Variants in MYL4 observed in about 807,000 individuals in gnomAD.
MYL4 encodes atrial myosin light chain 1.
MYL4 carries 16 observed loss-of-function variants against 21.6 expected under a neutral mutation model. That is an observed-to-expected ratio of 0.74 (90% CI 0.50 to 1.12). The LOEUF is 1.12. Ranked by LOEUF, MYL4 falls within the 50% of genes most tolerant of loss-of-function variation. The pLI, the probability that MYL4 is intolerant of heterozygous loss-of-function variation, is 0.00. For missense variants in MYL4, 249 were observed against 252.9 expected, an observed-to-expected ratio of 0.98 and a Z score of 0.11; for synonymous variants, 82 against 95.7, an observed-to-expected ratio of 0.86 and a Z score of 0.83.
chr17:47,200,338 T>C (rs893646571), upstream of MYL4: 2 of 152,144 alleles, frequency 1.3e-5, no homozygotes, highest in African/African-American at 4.8e-5. Context: ...ATACCCATGC[T>C]GTGGGTTCCA....
In MYL4 at chr17:47,209,481, C is replaced by T. The variant is rs1431986450; in HGVS notation, c.59C>T (p.Ala20Val). The T allele has an allele frequency of 1.2e-6, 2 of 1,614,116 alleles. No homozygotes were observed. Among genetic ancestry groups the T allele is most frequent in the African/African-American group, 2.7e-5 (2 of 74,932 alleles). ...KEAAKPAPAP[A>V]PAPAPAPAPA... ...GCAGCCAAGCCAGCTCCAGCTCCAGCTCCAGCCCCTGCACCAGCCCCTGCC... is the reference window on the plus strand; with the variant it reads ...GCAGCCAAGCCAGCTCCAGCTCCAGTTCCAGCCCCTGCACCAGCCCCTGCC... Residue 20 changes from alanine to valine, a missense_variant, in exon 1 of 7, where the codon GCT becomes GTT. Physicochemically the swap from Ala to Val is moderately conservative, Grantham distance 64. Transcript: ENST00000393450.
chr17:47,223,179 C>A, intron 6 of MYL4, 122 bp downstream of exon 6: 1 of 1,012,704 alleles, frequency 9.9e-7, no homozygotes, highest in South Asian at 1.5e-5. Context: ...CTCTTGGGAT[C>A]AGGAAGTGAG....
At position 47,209,357 on chromosome 17, in the gene MYL4, C is replaced by A; in HGVS notation, c.-66C>A. ...GGCAGCCCAGGCTCCTATCTCATCT[C>A]CCAGACGCCACGTCTCTCGGTTTCT... is the stretch of plus-strand genomic sequence containing the variant. On this transcript the variant is annotated 5_prime_UTR_variant, in exon 1 of 7. Coordinates refer to ENST00000393450, the MANE Select transcript of MYL4 (RefSeq NM_002476.2). 1 of 1,609,402 alleles carries A rather than the reference C, an allele frequency of 6.2e-7. No homozygotes were observed. Among genetic ancestry groups the A allele is most frequent in the Non-Finnish European group, 8.5e-7 (1 of 1,177,008 alleles).
At chr17:47,208,752 G>T (rs993900753), upstream of MYL4, among the ~76,000 whole-genome samples, 8 of 152,142 alleles carry the variant, frequency 5.3e-5, no homozygotes, top group African/African-American at 1.9e-4. Context: ...TGTGTGTAAG[G>T]GGGTAGATCT....
chr17:47,192,107 C>A, the MYL4 span, among the ~76,000 whole-genome samples: 3 of 152,198 alleles, frequency 2.0e-5, no homozygotes, highest in Non-Finnish European at 4.4e-5. Context: ...GTAATCCCAA[C>A]ACTTTGGGAG....
intron 2 of MYL4, among the ~76,000 whole-genome samples, chr17:47,218,498 G>A (rs2064831448): frequency 6.6e-6 from 1 of 152,100 alleles, no homozygotes; most frequent in African/African-American, 2.4e-5. Flanking sequence ...AATCAATGAA[G>A]AATTGGGCCC....
At chr17:47,225,851 CCTT>C (rs1288635902), downstream of MYL4, among the ~76,000 whole-genome samples, 3 of 133,906 alleles carry the variant, frequency 2.2e-5, no homozygotes, top group Non-Finnish European at 3.2e-5. Flanking sequence ...TTCCTCCTTC[CCTT>C]CTTTTTTTTT....
intron 6 of MYL4, 153 bp from the exon 7 acceptor site, chr17:47,223,356 G>A (rs1004062581): frequency 2.4e-5 from 9 of 370,418 alleles, no homozygotes; most frequent in South Asian, 1.3e-4. Flanking sequence ...TGAGAAAGCC[G>A]ATCCCAAGTG....
At chr17:47,197,486 G>A (rs2064693758), upstream of MYL4, among the ~76,000 whole-genome samples, 1 of 152,156 alleles carries the variant, frequency 6.6e-6, no homozygotes. Flanking sequence ...GCTCCGAGAT[G>A]TGCTAAATGG....
upstream of MYL4, chr17:47,209,274 C>T: frequency 1.0e-6 from 1 of 973,462 alleles, no homozygotes; most frequent in Non-Finnish European, 1.6e-6. Context: ...GCAGCAGTTG[C>T]TCTTGCTTTC....
chr17:47,207,213 T>C (rs553126399), upstream of MYL4, among the ~76,000 whole-genome samples: 8 of 152,150 alleles, frequency 5.3e-5, no homozygotes, highest in South Asian at 2.1e-4. Flanking sequence ...CTGGCCCTTT[T>C]TCCTGCCCGT....
intron 1 of MYL4, among the ~76,000 whole-genome samples, chr17:47,203,963 C>T (rs575814457): frequency 1.3e-5 from 2 of 152,250 alleles, no homozygotes; most frequent in Non-Finnish European, 2.9e-5. Context: ...GCCACCGTGT[C>T]TGTGGCCAAA....
upstream of MYL4, among the ~76,000 whole-genome samples, chr17:47,207,359 T>C (rs1202764388): frequency 6.6e-6 from 1 of 152,192 alleles, no homozygotes; most frequent in African/African-American, 2.4e-5. Flanking sequence ...TATAAGTAGC[T>C]GAATGTCTTG....
At chr17:47,196,220 A>G (rs989015715), upstream of MYL4, among the ~76,000 whole-genome samples, 2 of 152,174 alleles carry the variant, frequency 1.3e-5, no homozygotes, top group African/African-American at 4.8e-5. Flanking sequence ...GGAAAGTTTG[A>G]TCTCTCTGTG....
At chr17:47,213,641 G>GTT (rs2064791934) in intron 1 of MYL4, among the ~76,000 whole-genome samples, 158 bp from the exon 2 acceptor site, 1 of 152,188 alleles carries the variant, frequency 6.6e-6, no homozygotes, top group African/African-American at 2.4e-5. Flanking sequence ...GGAGACTTGT[G>GTT]TTTTACCCTT....
chr17:47,221,330 C>G (rs1336386575), intron 3 of MYL4, among the ~76,000 whole-genome samples: 1 of 152,120 alleles, frequency 6.6e-6, no homozygotes, highest in African/African-American at 2.4e-5. Flanking sequence ...AGGCCCGGGC[C>G]GCGTGGCACT....
downstream of MYL4, among the ~76,000 whole-genome samples, chr17:47,227,214 T>C (rs2064888881): frequency 6.6e-6 from 1 of 152,218 alleles, no homozygotes; most frequent in African/African-American, 2.4e-5. Context: ...ATTTGCTGCC[T>C]CCATGGTGTT....
chr17:47,220,918 C>T (rs2149048123), intron 3 of MYL4, among the ~76,000 whole-genome samples: 1 of 152,234 alleles, frequency 6.6e-6, no homozygotes, highest in African/African-American at 2.4e-5. Flanking sequence ...GTTTCCTCCC[C>T]ATCCCTTGGT....
upstream of MYL4, among the ~76,000 whole-genome samples, chr17:47,204,731 G>GAA (rs11307481): frequency 0.016 from 2,229 of 141,412 alleles, 47 homozygotes; most frequent in African/African-American, 0.056. Flanking sequence ...ACCCTGTCTC[G>GAA]AAAAAAAAAA....
Sources: allele counts gnomAD v4.1 joint callset (sites outside exome capture counted in the v4.1 genomes callset), GRCh38; gene constraint gnomAD v4.1.1; transcripts MANE v1.5; gene names NCBI Gene and HGNC (gene_info 2026-07-23, HGNC 2026-07-21).